ERG: variants seen among roughly 807,000 people sequenced by gnomAD.
ERG encodes ETS transcription factor ERG, also known as transcriptional regulator ERG.
ERG carries 9 observed loss-of-function variants against 55.3 expected under a neutral mutation model. That is an observed-to-expected ratio of 0.16 (90% confidence interval 0.10 to 0.28). The LOEUF is 0.28. ERG is among the 10% of genes least tolerant of loss of function. ERG has a pLI of 1.00. For missense variants in ERG, 434 were observed against 631.6 expected (o/e 0.69, Z 3.35); for synonymous variants, 223 against 237.3 (o/e 0.94, Z 0.55).
chr21:38,387,024 G>T (rs1408626965), intron 9 of ERG, among the ~76,000 whole-genome samples: 1 of 151,974 alleles, frequency 6.6e-6, no homozygotes, highest in Non-Finnish European at 1.5e-5. Context: ...ATTGTTAAAA[G>T]AAAGGGAGAG....
intron 1 of ERG, among the ~76,000 whole-genome samples, chr21:38,614,956 A>G (rs2060250032): frequency 6.6e-6 from 1 of 152,218 alleles, no homozygotes; most frequent in Admixed American, 6.5e-5. Flanking sequence ...TGTGTATCAG[A>G]GGTGAAGTAT....
At chr21:38,433,698 C>T (rs1990327520) in intron 2 of ERG, among the ~76,000 whole-genome samples, 1 of 152,176 alleles carries the variant, frequency 6.6e-6, no homozygotes, top group African/African-American at 2.4e-5. Context: ...GCACTGAATA[C>T]ATCCCAGAGG....
At chr21:38,496,679 CA>C (rs934973878) in intron 1 of ERG, among the ~76,000 whole-genome samples, 2 of 151,994 alleles carry the variant, frequency 1.3e-5, no homozygotes, top group Non-Finnish European at 2.9e-5. Flanking sequence ...CTATTATTTC[CA>C]AAAAAGTGTT....
At chr21:38,531,731 C>G (rs1177414024) in intron 2 of ERG, among the ~76,000 whole-genome samples, 1 of 152,066 alleles carries the variant, frequency 6.6e-6, no homozygotes, top group Non-Finnish European at 1.5e-5. Context: ...GGCACAGGGA[C>G]AAAATAAGAA....
chr21:38,600,241 A>G (rs1414974376), intron 1 of ERG, among the ~76,000 whole-genome samples: 3 of 151,640 alleles, frequency 2.0e-5, no homozygotes, highest in African/African-American at 4.8e-5. Context: ...GAAAACACCC[A>G]GGTTTGAGAA....
At chr21:38,486,365 C>T (rs2059285637) in intron 1 of ERG, among the ~76,000 whole-genome samples, 1 of 152,206 alleles carries the variant, frequency 6.6e-6, no homozygotes, top group African/African-American at 2.4e-5. Context: ...ACAGGCTACA[C>T]TTATAGCCTG....
intron 1 of ERG, among the ~76,000 whole-genome samples, chr21:38,628,680 C>G (rs1245644423): frequency 2.6e-5 from 4 of 152,196 alleles, no homozygotes; most frequent in Admixed American, 2.6e-4. Flanking sequence ...CACCTGCACT[C>G]TCATGCCCCC....
intron 1 of ERG, among the ~76,000 whole-genome samples, chr21:38,462,647 A>G (rs572881571): frequency 6.6e-6 from 1 of 152,360 alleles, no homozygotes; most frequent in South Asian, 2.1e-4. Context: ...TGAGCCTTCC[A>G]AGACTGCACA....
At chr21:38,564,498 T>C (rs374206794) in intron 2 of ERG, among the ~76,000 whole-genome samples, 3 of 152,242 alleles carry the variant, frequency 2.0e-5, no homozygotes, top group East Asian at 3.9e-4. Context: ...ATATAATGTA[T>C]ACAAATTGCT....
At position 38,436,357 on chromosome 21, in the gene ERG, A is replaced by G. The variant is rs139511041; in HGVS notation, c.236+9047T>C. ...AAGTAAGATAGTAATAAATGTTTCTAAAATGTGTAACATATACAAAAAATC... is the reference window on the plus strand; with the variant it reads ...AAGTAAGATAGTAATAAATGTTTCTGAAATGTGTAACATATACAAAAAATC... On this transcript the variant is annotated intron_variant, in intron 2 of 9. Transcript: ENST00000288319. Among the ~76,000 whole-genome samples the G allele has an allele frequency of 4.4e-3, 667 of 152,322 alleles. 3 individuals are homozygous for G. Among genetic ancestry groups the G allele is most frequent in the Admixed American group, 0.011 (161 of 15,294 alleles).
At chr21:38,625,915 CTTTTTTTTTTTTTTTT>C (rs397797559) in intron 1 of ERG, among the ~76,000 whole-genome samples, 1 of 84,430 alleles carries the variant, frequency 1.2e-5, no homozygotes, top group Non-Finnish European at 2.1e-5. Flanking sequence ...ACTTGAAGCT[CTTTTTTTTTTTTTTTT>C]TTTTTTTTTG....
chr21:38,420,993 C>T (rs1470473381), intron 3 of ERG, among the ~76,000 whole-genome samples: 1 of 152,194 alleles, frequency 6.6e-6, no homozygotes, highest in Non-Finnish European at 1.5e-5. Flanking sequence ...TCACTTTGTT[C>T]ATGCCCAGAG....
At chr21:38,604,827 A>G (rs754478469) in intron 1 of ERG, among the ~76,000 whole-genome samples, 2 of 152,222 alleles carry the variant, frequency 1.3e-5, no homozygotes, top group Non-Finnish European at 2.9e-5. Flanking sequence ...AAAAATCTCC[A>G]TGCAATTTCT....
At chr21:38,660,095 G>A (rs567816289) in intron 1 of ERG, among the ~76,000 whole-genome samples, 1 of 152,330 alleles carries the variant, frequency 6.6e-6, no homozygotes, top group South Asian at 2.1e-4. Flanking sequence ...CGGGGTGTGC[G>A]GGAAGGCGCC....
intron 1 of ERG, among the ~76,000 whole-genome samples, chr21:38,655,047 T>C (rs2060510725): frequency 6.6e-6 from 1 of 152,260 alleles, no homozygotes; most frequent in South Asian, 2.1e-4. Context: ...AAGTTTTATG[T>C]TGAGATTGTA....
intron 1 of ERG, among the ~76,000 whole-genome samples, chr21:38,610,927 G>C (rs1239523127): frequency 6.6e-6 from 1 of 152,162 alleles, no homozygotes; most frequent in Non-Finnish European, 1.5e-5. Context: ...GAGGAGAAAA[G>C]AAGTTTTAGA....
At position 38,411,499 on chromosome 21, in the gene ERG, G is replaced by C. The variant is rs186279989; in HGVS notation, c.389-7790C>G. 9.2e-4 allele frequency among the ~76,000 whole-genome samples: 140 copies of C among 152,036 alleles called. 1 individual carries two copies. The highest frequency in any genetic ancestry group is 3.3e-3 in the African/African-American group (135 of 41,472). ...ATTTTTGTATTTTTAATAGAGATGGGGTTTCACCATGTTGTCCAGGCTGAT... is the reference window on the plus strand; with the variant it reads ...ATTTTTGTATTTTTAATAGAGATGGCGTTTCACCATGTTGTCCAGGCTGAT... On this transcript the variant is annotated intron_variant, in intron 3 of 9. Transcript: ENST00000288319.
chr21:38,514,723 G>A (rs1024002019), intron 2 of ERG, among the ~76,000 whole-genome samples: 9 of 151,952 alleles, frequency 5.9e-5, no homozygotes, highest in Admixed American at 5.9e-4. Context: ...GCATTTGTCT[G>A]AAATTGAATT....
chr21:38,534,935 T>A (rs13051759), intron 2 of ERG, among the ~76,000 whole-genome samples: 9,236 of 152,280 alleles, frequency 0.061, 336 homozygotes, highest in Middle Eastern at 0.14. Context: ...AATCTTTTTT[T>A]AAATTAAAGT....
Sources: gnomAD v4.1 joint callset for allele counts (sites outside exome capture counted in the v4.1 genomes callset) on GRCh38, gnomAD v4.1.1 for gene constraint, MANE v1.5 for transcripts, NCBI Gene and HGNC (gene_info 2026-07-23, HGNC 2026-07-21) for gene names.